Variants in DPYSL3 observed in about 807,000 individuals in gnomAD.
DPYSL3 encodes dihydropyrimidinase-related protein 3.
DPYSL3 carries 16 observed loss-of-function variants against 66.1 expected under a neutral mutation model. That is an observed-to-expected ratio of 0.24 (90% CI 0.16 to 0.37). The LOEUF is 0.37. Ranked by LOEUF, DPYSL3 falls within the 10% of genes least tolerant of loss-of-function variation. The pLI is 1.00. For synonymous variants in DPYSL3, 338 were observed against 345.1 expected, an observed-to-expected ratio of 0.98 and a Z score of 0.23; for missense variants, 738 against 916.2, an observed-to-expected ratio of 0.81 and a Z score of 2.51.
intron 1 of DPYSL3, among the ~76,000 whole-genome samples, chr5:147,442,707 A>G (rs1324734477): frequency 6.6e-6 from 1 of 152,248 alleles, no homozygotes; most frequent in African/African-American, 2.4e-5. Flanking sequence ...ATGTAATAAT[A>G]TATAGCTATT....
At chr5:147,502,661 C>T (rs1753629316) in intron 1 of DPYSL3, among the ~76,000 whole-genome samples, 1 of 149,022 alleles carries the variant, frequency 6.7e-6, no homozygotes, top group African/African-American at 2.5e-5. Context: ...ACTGCAACTT[C>T]CGCCTCCCGG....
At chr5:147,402,500 AC>A (rs1758220396) in intron 8 of DPYSL3, among the ~76,000 whole-genome samples, 1 of 147,810 alleles carries the variant, frequency 6.8e-6, no homozygotes, top group African/African-American at 2.7e-5. Flanking sequence ...GGCGCCCGCC[AC>A]CACGCCCGGC....
chr5:147,496,298 A>G (rs183104023), intron 1 of DPYSL3, among the ~76,000 whole-genome samples: 49 of 152,358 alleles, frequency 3.2e-4, no homozygotes, highest in African/African-American at 1.1e-3. Context: ...TAAAAGCCCT[A>G]GAAGAAAACC....
rs1581224000 is a variant in DPYSL3 at position 147,509,916 on chromosome 5, C to G, written c.-58G>C. 1.4e-6 allele frequency: 2 copies of G among 1,456,106 alleles called. No individual in the cohort carries two copies. The highest frequency in any genetic ancestry group is 1.8e-6 in the Non-Finnish European group (2 of 1,107,274). 90.2% of individuals were successfully genotyped at this position (1,456,106 alleles called of 1,614,324 possible). On this transcript the variant is annotated 5_prime_UTR_variant, in exon 1 of 14. Coordinates refer to ENST00000343218, the MANE Select transcript of DPYSL3 (RefSeq NM_001197294.2). The surrounding 1 kb of genome is among the most constrained non-coding windows in gnomAD (Gnocchi z 5.3). ...CTTCCCCAGAGGCGGAAAGGGCAGC[C>G]GCCGGCAGCGTGCGCCGAGCCACAG...
At chr5:147,461,842 T>C (rs1004887675) in intron 1 of DPYSL3, among the ~76,000 whole-genome samples, 12 of 152,254 alleles carry the variant, frequency 7.9e-5, no homozygotes, top group Non-Finnish European at 1.2e-4. Flanking sequence ...TAGACAAATA[T>C]GGCAATTAGC....
chr5:147,509,467 G>A lies in DPYSL3; in HGVS notation c.381+11C>T. 6.7e-7 allele frequency: 1 copy of A among 1,495,492 alleles called. No homozygotes were observed. The allele number at this position is 1,495,492 out of a possible 1,614,324, so 92.6% of individuals were successfully genotyped here. On this transcript the variant is annotated intron_variant, in intron 1 of 13. Transcript: ENST00000343218. This position sits in a 1 kb window ranked among gnomAD's most constrained non-coding sequence, Gnocchi z 5.3. Reference sequence around the variant, plus strand: ...GAAGGCAAGGAGGGAAGTGACCCGGGGCCCCCTTACCTTGTCCTTGGGGCC... The same window carrying A: ...GAAGGCAAGGAGGGAAGTGACCCGGAGCCCCCTTACCTTGTCCTTGGGGCC...
At position 147,509,693 on chromosome 5, in the gene DPYSL3, T is replaced by G. The variant is rs1271764021; in HGVS notation, c.166A>C (p.Ser56Arg). 1 of 1,535,922 alleles carries G rather than the reference T, an allele frequency of 6.5e-7. No homozygotes were observed. Among genetic ancestry groups the G allele is most frequent in the Admixed American group, 2.0e-5 (1 of 51,002 alleles). The change falls in exon 1 of 14, where the codon AGC becomes CGC. Residue 56 changes from serine (S) to arginine (R), a missense_variant. Coordinates refer to ENST00000343218, the MANE Select transcript of DPYSL3 (RefSeq NM_001197294.2). This position sits in a 1 kb window ranked among gnomAD's most constrained non-coding sequence, Gnocchi z 5.3. The part of the protein sequence containing the change: ...ESKTLDFDAL[S>R]VGQRGAKTPR... ...GTCTTCGCGCCCCGCTGCCCCACGC[T>G]GAGGGCATCGAAATCCAGCGTCTTG...
chr5:147,430,536 A>T (rs1436650898), intron 1 of DPYSL3, among the ~76,000 whole-genome samples: 1 of 150,904 alleles, frequency 6.6e-6, no homozygotes, highest in Non-Finnish European at 1.5e-5. Context: ...AAAAAAAAGG[A>T]AAAAGAAAAA....
At chr5:147,427,384 C>G (rs189608962) in intron 1 of DPYSL3, among the ~76,000 whole-genome samples, 4 of 152,228 alleles carry the variant, frequency 2.6e-5, no homozygotes, top group Admixed American at 2.6e-4. Context: ...GACAGCTATT[C>G]CATATTGGTT....
At chr5:147,419,049 T>C (rs1327385316) in intron 2 of DPYSL3, among the ~76,000 whole-genome samples, 1 of 152,216 alleles carries the variant, frequency 6.6e-6, no homozygotes, top group Non-Finnish European at 1.5e-5. Context: ...CTGAAGAAGA[T>C]AATAGTAAAT....
intron 1 of DPYSL3, among the ~76,000 whole-genome samples, chr5:147,490,018 C>T (rs1753391385): frequency 6.6e-6 from 1 of 152,038 alleles, no homozygotes; most frequent in African/African-American, 2.4e-5. Context: ...TTCCTTTCCC[C>T]ATGTCTTTTA....
chr5:147,419,991 T>C (rs1051714353), intron 2 of DPYSL3, among the ~76,000 whole-genome samples: 1 of 152,182 alleles, frequency 6.6e-6, no homozygotes, highest in Non-Finnish European at 1.5e-5. Context: ...TTTTGACAAC[T>C]AGTTTAATAC....
chr5:147,430,986 C>T (rs1752304568), intron 1 of DPYSL3, among the ~76,000 whole-genome samples: 1 of 152,124 alleles, frequency 6.6e-6, no homozygotes, highest in African/African-American at 2.4e-5. Flanking sequence ...TTGTTACCTG[C>T]ATTAACAAAG....
At chr5:147,486,299 G>T (rs909385747) in intron 1 of DPYSL3, among the ~76,000 whole-genome samples, 4 of 152,112 alleles carry the variant, frequency 2.6e-5, no homozygotes, top group Non-Finnish European at 5.9e-5. Flanking sequence ...TGGTTAAAAA[G>T]GTAAGTTTAT....
rs555978613 is a variant in DPYSL3 at position 147,420,264 on chromosome 5, A to G, written c.471-1633T>C. Among the ~76,000 whole-genome samples the G allele has an allele frequency of 5.9e-5, 9 of 152,312 alleles. No individual in the cohort carries two copies. In the East Asian group the frequency reaches 1.7e-3, roughly 29 times the overall value. On this transcript the variant is annotated intron_variant, in intron 2 of 13. Coordinates refer to ENST00000343218, the MANE Select transcript of DPYSL3 (RefSeq NM_001197294.2). Reference sequence around the variant, plus strand: ...AAAATGTAATAAAGATGCCTCCTCCATAGGGTTGTGCTGCAGATTAAATGT... The same window carrying G: ...AAAATGTAATAAAGATGCCTCCTCCGTAGGGTTGTGCTGCAGATTAAATGT...
intron 1 of DPYSL3, among the ~76,000 whole-genome samples, chr5:147,474,092 G>A (rs980006492): frequency 1.3e-5 from 2 of 151,948 alleles, no homozygotes; most frequent in African/African-American, 4.8e-5. Flanking sequence ...TAATCTTTTT[G>A]AGTTTGTTTC....
chr5:147,464,313 C>G (rs1752981238), intron 1 of DPYSL3, among the ~76,000 whole-genome samples: 1 of 152,200 alleles, frequency 6.6e-6, no homozygotes, highest in South Asian at 2.1e-4. Flanking sequence ...TTTACCTTCA[C>G]TCCCAGGGAC....
chr5:147,462,432 A>T (rs551029967), intron 1 of DPYSL3, among the ~76,000 whole-genome samples: 1 of 152,308 alleles, frequency 6.6e-6, no homozygotes, highest in Non-Finnish European at 1.5e-5. Flanking sequence ...TGACAAGTAC[A>T]TTGAAGGCTT....
Position 147,509,751 on chromosome 5 carries a change from G to T in DPYSL3, c.108C>A (p.Gly36=), listed in dbSNP as rs1561810044. 3 of 1,536,008 alleles carry T rather than the reference G, an allele frequency of 2.0e-6. No individual in the cohort carries two copies. Among genetic ancestry groups the T allele is most frequent in the Non-Finnish European group, 2.6e-6 (3 of 1,146,816 alleles). Residue 36 remains glycine (G), a synonymous_variant, in exon 1 of 14, where the codon GGC becomes GGA. Transcript: ENST00000343218. The surrounding 1 kb of genome is among the most constrained non-coding windows in gnomAD (Gnocchi z 5.3). ...TDQVPRQKYG[G]MFCNVEGAFE... is the part of the protein sequence containing the mutation. ...AGGCGCCCTCCACGTTGCAGAACAT[G>T]CCGCCGTATTTCTGCCGCGGGACCT...
Sources: gnomAD v4.1 joint callset for allele counts (sites outside exome capture counted in the v4.1 genomes callset) on GRCh38, gnomAD v4.1.1 for gene constraint, Gnocchi (gnomAD v3.1) non-coding constraint, MANE v1.5 for transcripts, NCBI Gene and HGNC (gene_info 2026-07-23, HGNC 2026-07-21) for gene names.